CDK14: variants seen among roughly 807,000 people sequenced by gnomAD.
CDK14 encodes cyclin dependent kinase 14, also known as cyclin-dependent kinase 14.
Under a neutral mutation model 60.7 loss-of-function variants are expected in CDK14, and 34 were observed. The ratio of observed to expected loss-of-function variants is 0.56; its 90% CI spans 0.43 to 0.75. CDK14 has a LOEUF of 0.75. CDK14 is among the 30% of genes least tolerant of loss of function. The pLI, the probability that CDK14 is intolerant of heterozygous loss-of-function variation, is 0.00. For synonymous variants in CDK14, 197 were observed against 203.7 expected, an observed-to-expected ratio of 0.97 and a Z score of 0.28; for missense variants, 482 against 564.1, an observed-to-expected ratio of 0.85 and a Z score of 1.47.
intron 2 of CDK14, among the ~76,000 whole-genome samples, chr7:90,711,575 A>G (rs1287602365): frequency 6.6e-6 from 1 of 152,128 alleles, no homozygotes. Context: ...TTTTACAATC[A>G]TACGATATTT....
intron 12 of CDK14, among the ~76,000 whole-genome samples, chr7:91,095,853 T>G (rs1031618209): frequency 3.9e-5 from 6 of 152,020 alleles, no homozygotes; most frequent in African/African-American, 4.8e-5. Flanking sequence ...TTTTTCTACT[T>G]TCCCAAAATT....
intron 6 of CDK14, among the ~76,000 whole-genome samples, chr7:90,879,818 G>T (rs985434491): frequency 6.6e-6 from 1 of 151,666 alleles, no homozygotes; most frequent in African/African-American, 2.4e-5. Flanking sequence ...ATTACCCACC[G>T]AGAGAAGGAA....
chr7:90,667,489 T>C (rs1297262805), intron 2 of CDK14, among the ~76,000 whole-genome samples: 1 of 152,182 alleles, frequency 6.6e-6, no homozygotes, highest in Non-Finnish European at 1.5e-5. Flanking sequence ...TTGCCTCTTC[T>C]GGACACTATG....
intron 14 of CDK14, among the ~76,000 whole-genome samples, chr7:91,175,779 C>A (rs1447458767): frequency 2.0e-5 from 3 of 146,944 alleles, no homozygotes; most frequent in Non-Finnish European, 3.0e-5. Context: ...TATATATGCA[C>A]CCAATACAGG....
In CDK14 at chr7:91,208,222, A is replaced by G. The variant is rs1418815226; in HGVS notation, c.*1086A>G. On this transcript the variant is annotated 3_prime_UTR_variant, in exon 15 of 15. Transcript: ENST00000380050. ...TTCTTACTTTAAGACATCTCCTGGA[A>G]TAACTGTTCAAATGCAGGTTTTAGA... 2 of 152,690 alleles carry G rather than the reference A, an allele frequency of 1.3e-5. No homozygotes were observed. Among genetic ancestry groups the G allele is most frequent in the African/African-American group, 4.8e-5 (2 of 41,474 alleles). 9.5% of individuals were successfully genotyped at this position (152,690 alleles called of 1,614,324 possible).
At chr7:91,099,790 CTTA>C (rs1443550314) in intron 12 of CDK14, among the ~76,000 whole-genome samples, 2 of 152,016 alleles carry the variant, frequency 1.3e-5, no homozygotes, top group African/African-American at 4.8e-5. Flanking sequence ...AGGTCTAGTG[CTTA>C]TTATAGATAG....
chr7:90,881,086 G>A (rs967980929), intron 6 of CDK14, among the ~76,000 whole-genome samples: 4 of 152,152 alleles, frequency 2.6e-5, no homozygotes, highest in African/African-American at 9.7e-5. Flanking sequence ...CTGGGTGGGG[G>A]AGCAAATGGA....
At chr7:90,764,607 T>G (rs1159588004) in intron 4 of CDK14, among the ~76,000 whole-genome samples, 1 of 152,156 alleles carries the variant, frequency 6.6e-6, no homozygotes, top group African/African-American at 2.4e-5. Flanking sequence ...ACTGTTGATG[T>G]TGGGGAGATG....
chr7:90,897,396 A>G (rs1584100849), intron 6 of CDK14, among the ~76,000 whole-genome samples: 2 of 152,090 alleles, frequency 1.3e-5, no homozygotes, highest in Non-Finnish European at 2.9e-5. Flanking sequence ...ACATGTGATT[A>G]TTGATATGGT....
chr7:90,982,261 T>C (rs1440354478), intron 9 of CDK14, among the ~76,000 whole-genome samples: 1 of 152,142 alleles, frequency 6.6e-6, no homozygotes, highest in African/African-American at 2.4e-5. Context: ...AGGAGATGCA[T>C]TTAAACAGGA....
chr7:90,917,318 T>G (rs1250319388), intron 7 of CDK14, among the ~76,000 whole-genome samples: 2 of 152,204 alleles, frequency 1.3e-5, no homozygotes, highest in Non-Finnish European at 2.9e-5. Context: ...ATTGATTATT[T>G]ACATTTTGCT....
intron 2 of CDK14, among the ~76,000 whole-genome samples, chr7:90,707,954 C>G (rs1001306709): frequency 6.6e-6 from 1 of 152,092 alleles, no homozygotes; most frequent in East Asian, 1.9e-4. Flanking sequence ...CACATTAGCA[C>G]GTTTGCTGAA....
At chr7:90,780,355 A>C (rs1385616205) in intron 4 of CDK14, among the ~76,000 whole-genome samples, 2 of 152,016 alleles carry the variant, frequency 1.3e-5, no homozygotes, top group Non-Finnish European at 2.9e-5. Context: ...AATACCCTCC[A>C]AAATGACCAA....
rs1799629277 is a variant in CDK14, at chr7:90,615,320, C to G, written c.123+11071C>G. Among the ~76,000 whole-genome samples, 3 of 152,130 alleles carry G rather than the reference C, an allele frequency of 2.0e-5. No individual in the cohort carries two copies. In the South Asian group the frequency reaches 6.2e-4, roughly 31 times the overall value. ...AGACATTTGGAATTGCTTAGAGAAC[C>G]CAGGGAGTCCTGGATTCTACAATTC... On this transcript the variant is annotated intron_variant, in intron 2 of 14. Coordinates refer to ENST00000380050, the MANE Select transcript of CDK14 (RefSeq NM_001287135.2).
chr7:91,177,130 C>G (rs1410499599), intron 14 of CDK14, among the ~76,000 whole-genome samples: 4 of 151,274 alleles, frequency 2.6e-5, no homozygotes, highest in Non-Finnish European at 4.4e-5. Context: ...TGGGCTTCAT[C>G]CCTGGGATGC....
chr7:90,856,420 A>C (rs1435247083), intron 5 of CDK14, among the ~76,000 whole-genome samples: 1 of 152,002 alleles, frequency 6.6e-6, no homozygotes, highest in East Asian at 1.9e-4. Context: ...TGGAGTGTTT[A>C]TTGTATTAGA....
At chr7:90,993,616 G>C (rs548184683) in intron 10 of CDK14, among the ~76,000 whole-genome samples, 125 of 152,294 alleles carry the variant, frequency 8.2e-4, no homozygotes, top group Non-Finnish European at 1.5e-3. Flanking sequence ...ACGTGAAAGG[G>C]AGTGGGGTAT....
chr7:90,726,842 G>C, intron 3 of CDK14, 30 bp downstream of exon 3: 1 of 1,609,866 alleles, frequency 6.2e-7, no homozygotes, highest in South Asian at 1.1e-5. Flanking sequence ...TTATCACTGG[G>C]TAAACAGAAG....
At chr7:90,742,783 A>G (rs1442288571) in intron 3 of CDK14, among the ~76,000 whole-genome samples, 1 of 151,972 alleles carries the variant, frequency 6.6e-6, no homozygotes, top group Non-Finnish European at 1.5e-5. Context: ...TGATTTTTTT[A>G]AACCCATGTT....
Sources: allele counts gnomAD v4.1 joint callset (sites outside exome capture counted in the v4.1 genomes callset), GRCh38; gene constraint gnomAD v4.1.1; transcripts MANE v1.5; gene names NCBI Gene and HGNC (gene_info 2026-07-23, HGNC 2026-07-21).